Variants in DLGAP1 observed in about 807,000 individuals in gnomAD.
DLGAP1 encodes disks large-associated protein 1.
DLGAP1 carries 11 observed loss-of-function variants against 90.8 expected under a neutral mutation model. That is an observed-to-expected ratio of 0.12 (90% CI 0.08 to 0.20). DLGAP1 has a LOEUF of 0.20. Ranked by LOEUF, DLGAP1 falls within the 10% of genes least tolerant of loss-of-function variation. The pLI, the probability that DLGAP1 is intolerant of heterozygous loss-of-function variation, is 1.00. For missense variants in DLGAP1, 1,050 were observed against 1,333.8 expected, an observed-to-expected ratio of 0.79 and a Z score of 3.31; for synonymous variants, 558 against 540.7, an observed-to-expected ratio of 1.03 and a Z score of -0.44.
At chr18:4,283,739 CAAG>C (rs2079610977) in intron 1 of DLGAP1, among the ~76,000 whole-genome samples, 1 of 152,126 alleles carries the variant, frequency 6.6e-6, no homozygotes, top group Non-Finnish European at 1.5e-5. Flanking sequence ...CAGATTTTGC[CAAG>C]AAGTTATCCA....
intron 7 of DLGAP1, among the ~76,000 whole-genome samples, chr18:3,611,290 G>A (rs73381259): frequency 2.6e-5 from 4 of 151,888 alleles, no homozygotes; most frequent in Non-Finnish European, 4.4e-5. Context: ...TCCCAGGCCC[G>A]CATCCCCCTA....
Position 4,454,282 on chromosome 18 carries a change from T to A in DLGAP1, c.-267+724A>T, listed in dbSNP as rs1205330670. 6.6e-6 allele frequency among the ~76,000 whole-genome samples: 1 copy of A among 152,162 alleles called. No individual in the cohort carries two copies. The highest frequency in any genetic ancestry group is 2.4e-5 in the African/African-American group (1 of 41,454). On this transcript the variant is annotated intron_variant, in intron 1 of 12. Coordinates refer to ENST00000315677, the MANE Select transcript of DLGAP1 (RefSeq NM_004746.4). The surrounding 1 kb of genome is among the most constrained non-coding windows in gnomAD (Gnocchi z 4.7). Reference sequence around the variant, plus strand: ...AGGAGAGGTCCCTGTTTGGCCTTGGTTCCAGCCCGGCTCATTCAATTCGCT... The same window carrying A: ...AGGAGAGGTCCCTGTTTGGCCTTGGATCCAGCCCGGCTCATTCAATTCGCT...
intron 2 of DLGAP1, among the ~76,000 whole-genome samples, chr18:4,099,115 G>T (rs1222201127): frequency 2.0e-5 from 3 of 152,112 alleles, no homozygotes; most frequent in African/African-American, 4.8e-5. Context: ...TAGTTTTGTT[G>T]TAAGAATTAG....
chr18:4,316,182 C>T (rs534399884), intron 1 of DLGAP1, among the ~76,000 whole-genome samples: 1 of 152,316 alleles, frequency 6.6e-6, no homozygotes, highest in African/African-American at 2.4e-5. Context: ...TTCCCTAAAC[C>T]TCTCTCATTA....
At chr18:4,150,038 C>T (rs2076648375) in intron 2 of DLGAP1, among the ~76,000 whole-genome samples, 1 of 152,192 alleles carries the variant, frequency 6.6e-6, no homozygotes, top group Non-Finnish European at 1.5e-5. Context: ...CATCTGTACC[C>T]CTCCTGGGAG....
At chr18:4,054,041 G>C (rs758417657) in intron 2 of DLGAP1, among the ~76,000 whole-genome samples, 3 of 152,168 alleles carry the variant, frequency 2.0e-5, no homozygotes, top group Non-Finnish European at 2.9e-5. Context: ...ATCATGAGGG[G>C]TGAGGTCAAA....
At chr18:4,016,198 T>A (rs1391578088) in intron 2 of DLGAP1, among the ~76,000 whole-genome samples, 1 of 152,200 alleles carries the variant, frequency 6.6e-6, no homozygotes, top group Non-Finnish European at 1.5e-5. Flanking sequence ...GAACACAAAA[T>A]TTTAAAATAT....
chr18:4,268,261 T>C (rs780238247), intron 1 of DLGAP1, among the ~76,000 whole-genome samples: 8 of 152,342 alleles, frequency 5.3e-5, no homozygotes, highest in Admixed American at 2.0e-4. Flanking sequence ...CTTGTAGTTA[T>C]TGGAATATGA....
intron 3 of DLGAP1, among the ~76,000 whole-genome samples, chr18:3,936,332 A>G (rs2148938560): frequency 6.6e-6 from 1 of 152,270 alleles, no homozygotes; most frequent in East Asian, 1.9e-4. Flanking sequence ...CTTGCTCTAC[A>G]ATTTGCCCCC....
chr18:4,333,899 C>A (rs921864926), intron 1 of DLGAP1, among the ~76,000 whole-genome samples: 5 of 150,354 alleles, frequency 3.3e-5, no homozygotes, highest in Non-Finnish European at 7.4e-5. Context: ...CGCGCCCGGC[C>A]ATATTTTTAA....
Position 4,106,649 on chromosome 18 carries a change from G to A in DLGAP1, c.-159+44531C>T, listed in dbSNP as rs534083698. Among the ~76,000 whole-genome samples the A allele has an allele frequency of 8.5e-5, 13 of 152,322 alleles. 1 individual carries two copies. The South Asian group carries it at 2.5e-3, about 29-fold the overall frequency. The stretch of plus-strand genomic sequence containing the variant: ...GAGGAACAGAACTTCACAAAGCAAG[G>A]CGCTGCCTGTCTTCTCAGACCAAAA... On this transcript the variant is annotated intron_variant, in intron 2 of 12. Coordinates refer to ENST00000315677, the MANE Select transcript of DLGAP1 (RefSeq NM_004746.4).
chr18:3,920,535 G>A (rs2072247016), intron 3 of DLGAP1, among the ~76,000 whole-genome samples: 1 of 152,026 alleles, frequency 6.6e-6, no homozygotes, highest in Non-Finnish European at 1.5e-5. Context: ...AGTATATTCA[G>A]TACGTCTATC....
At chr18:3,692,278 GT>G (rs11411882) in intron 7 of DLGAP1, among the ~76,000 whole-genome samples, 1 of 151,712 alleles carries the variant, frequency 6.6e-6, no homozygotes, top group African/African-American at 2.4e-5. Flanking sequence ...TTTTTGGAGT[GT>G]TTTTTTTGTT....
chr18:4,232,438 T>C (rs1007868001), intron 1 of DLGAP1, among the ~76,000 whole-genome samples: 1 of 152,148 alleles, frequency 6.6e-6, no homozygotes, highest in Admixed American at 6.6e-5. Context: ...ATAATGAACT[T>C]TTTGCAACTA....
intron 1 of DLGAP1, among the ~76,000 whole-genome samples, chr18:4,175,178 G>A (rs1021080776): frequency 6.6e-6 from 1 of 152,288 alleles, no homozygotes; most frequent in Admixed American, 6.5e-5. Context: ...GACCAGTGAT[G>A]ATGAGCTTTT....
intron 9 of DLGAP1, among the ~76,000 whole-genome samples, chr18:3,566,588 G>A (rs1324711921): frequency 6.6e-6 from 1 of 151,928 alleles, no homozygotes. Context: ...TTGATTATAG[G>A]AGGCATTCCA....
At chr18:3,990,820 A>C (rs1400855416) in intron 3 of DLGAP1, among the ~76,000 whole-genome samples, 1 of 151,980 alleles carries the variant, frequency 6.6e-6, no homozygotes, top group Non-Finnish European at 1.5e-5. Context: ...TAGTACATGC[A>C]ACAGAGTGAA....
At chr18:4,360,027 T>G (rs1289733914) in intron 1 of DLGAP1, among the ~76,000 whole-genome samples, 1 of 152,280 alleles carries the variant, frequency 6.6e-6, no homozygotes, top group Admixed American at 6.5e-5. Context: ...CTTATCCAAG[T>G]GTGGTTCTCA....
chr18:4,134,364 T>C (rs534638454), intron 2 of DLGAP1, among the ~76,000 whole-genome samples: 1 of 152,256 alleles, frequency 6.6e-6, no homozygotes, highest in East Asian at 1.9e-4. Flanking sequence ...TTAATCTTAC[T>C]CTTAAGATTC....
Sources: allele counts gnomAD v4.1 joint callset (sites outside exome capture counted in the v4.1 genomes callset), GRCh38; gene constraint gnomAD v4.1.1; non-coding constraint Gnocchi (gnomAD v3.1); transcripts MANE v1.5; gene names NCBI Gene and HGNC (gene_info 2026-07-23, HGNC 2026-07-21).